ORC4: variants seen among roughly 807,000 people sequenced by gnomAD.
ORC4 encodes origin recognition complex subunit 4, also known as origin recognition complex, subunit 4 homolog.
ORC4 carries 55 observed loss-of-function variants against 63.9 expected under a neutral mutation model. The observed-to-expected ratio is 0.86, with a 90% CI of 0.69 to 1.08. The LOEUF (loss-of-function observed/expected upper bound fraction) is 1.08, where lower values mean the gene tolerates loss of function less well. Ranked by LOEUF, ORC4 falls within the 50% of genes least tolerant of loss-of-function variation. The pLI, the probability that ORC4 is intolerant of heterozygous loss-of-function variation, is 0.00. For synonymous variants in ORC4, 150 were observed against 168.5 expected, an observed-to-expected ratio of 0.89 and a Z score of 0.85; for missense variants, 511 against 504.4, an observed-to-expected ratio of 1.01 and a Z score of -0.13.
chr2:147,946,791 T>C (rs1688680680), intron 9 of ORC4, among the ~76,000 whole-genome samples: 2 of 152,016 alleles, frequency 1.3e-5, no homozygotes, highest in African/African-American at 4.8e-5. Context: ...AGGCTTTGAG[T>C]CCTTTATGTA....
At chr2:147,985,452 T>C (rs1691147715) in intron 1 of ORC4, among the ~76,000 whole-genome samples, 1 of 152,186 alleles carries the variant, frequency 6.6e-6, no homozygotes, top group South Asian at 2.1e-4. Flanking sequence ...TGCCTCGGCC[T>C]CCCAAGGTGC....
rs1328072637 is a variant in ORC4 at position 147,935,472 on chromosome 2, T to C, written c.*38A>G. 5.5e-6 allele frequency: 8 copies of C among 1,460,900 alleles called. No individual in the cohort carries two copies. The highest frequency in any genetic ancestry group is 4.8e-6 in the Non-Finnish European group (5 of 1,040,728). The allele number at this position is 1,460,900 out of a possible 1,614,324, so 90.5% of individuals were successfully genotyped here. ...AATAGTTTTCCGTTCTCTACAGAAG[T>C]ATGAATGAAATGCCAAAGTTGAAGT... is the stretch of plus-strand genomic sequence containing the variant. On this transcript the variant is annotated 3_prime_UTR_variant, in exon 14 of 14. Coordinates refer to ENST00000392857, the MANE Select transcript of ORC4 (RefSeq NM_181741.4).
intron 1 of ORC4, among the ~76,000 whole-genome samples, chr2:148,003,856 A>C (rs564074129): frequency 6.6e-6 from 1 of 152,308 alleles, no homozygotes; most frequent in South Asian, 2.1e-4. Context: ...ATATTTAGAA[A>C]ACCCTGTTGT....
chr2:147,932,928 C>T lies in ORC4; in HGVS notation c.*2582G>A, dbSNP rs2105240418. Reference sequence around the variant, plus strand: ...TTCTGCAAAACGTGATTCATTAGGACATTAACAGGTATTACGTTTTCAACA... The same window carrying T: ...TTCTGCAAAACGTGATTCATTAGGATATTAACAGGTATTACGTTTTCAACA... On this transcript the variant is annotated 3_prime_UTR_variant, in exon 14 of 14. Coordinates refer to ENST00000392857, the MANE Select transcript of ORC4 (RefSeq NM_181741.4). 1 of 152,200 alleles carries T rather than the reference C, an allele frequency of 6.6e-6. No homozygotes were observed. The highest frequency in any genetic ancestry group is 6.6e-5 in the Admixed American group (1 of 15,254). The allele number at this position is 152,200 out of a possible 1,614,324, so 9.4% of individuals were successfully genotyped here.
intron 1 of ORC4, among the ~76,000 whole-genome samples, chr2:148,006,038 C>A (rs1692608023): frequency 6.6e-6 from 1 of 152,130 alleles, no homozygotes; most frequent in Non-Finnish European, 1.5e-5. Context: ...GGTGAGTAAT[C>A]ACGGCACCTG....
chr2:148,004,939 C>T (rs1282891080), intron 1 of ORC4, among the ~76,000 whole-genome samples: 3 of 152,130 alleles, frequency 2.0e-5, no homozygotes, highest in South Asian at 2.1e-4. Flanking sequence ...AAAACAGGAA[C>T]GCTTTTACAC....
At chr2:147,964,759 CT>C (rs754114483) in intron 4 of ORC4, among the ~76,000 whole-genome samples, 5 of 150,822 alleles carry the variant, frequency 3.3e-5, no homozygotes, top group Non-Finnish European at 4.5e-5. Flanking sequence ...TAGCAGATTT[CT>C]TTTTTTTAAT....
rs1688005448 is a variant in ORC4, at chr2:147,935,619, A to G, written c.1202T>C (p.Leu401Pro). 6.2e-7 allele frequency: 1 copy of G among 1,613,428 alleles called. No homozygotes were observed. Among genetic ancestry groups the G allele is most frequent in the Admixed American group, 1.7e-5 (1 of 59,986 alleles). ...AGTATTATCCAAAAGCAGTTTCATCAGCTGGTACTCTCTCTGTGAATTTCC... is the reference window on the plus strand; with the variant it reads ...AGTATTATCCAAAAGCAGTTTCATCGGCTGGTACTCTCTCTGTGAATTTCC... ...TSGNSQREYQ[L>P]MKLLLDNTQI... The change falls in exon 14 of 14, where the codon CTG (leucine) becomes CCG (proline). Residue 401 changes from leucine (L) to proline (P), a missense_variant. Coordinates refer to ENST00000392857, the MANE Select transcript of ORC4 (RefSeq NM_181741.4).
Position 147,931,118 on chromosome 2 carries a change from G to C in ORC4, c.*4392C>G, listed in dbSNP as rs1687705106. ...GAGAATATGCGGTGTTTGGTTTTTT[G>C]TTCTTGTGATAGTTTACTGAGAATG... On this transcript the variant is annotated 3_prime_UTR_variant, in exon 14 of 14. Transcript: ENST00000392857. The C allele has an allele frequency of 6.9e-6, 1 of 145,462 alleles. No individual in the cohort carries two copies. Among genetic ancestry groups the C allele is most frequent in the Non-Finnish European group, 1.5e-5 (1 of 66,596 alleles). The allele number at this position is 145,462 out of a possible 1,614,324, so 9.0% of individuals were successfully genotyped here. A position where few individuals can be genotyped will look rare whatever the true frequency, so the allele number is the denominator to read the frequency against.
upstream of ORC4, chr2:148,021,496 C>CTGT (rs1289732061): frequency 2.5e-4 from 144 of 577,486 alleles, 1 homozygote; most frequent in South Asian, 1.8e-3. Flanking sequence ...GCTGCTGCTG[C>CTGT]TACTGCTGCT....
chr2:147,956,833 A>T lies in ORC4; in HGVS notation c.388-1438T>A, dbSNP rs76655828. 3.5e-4 allele frequency among the ~76,000 whole-genome samples: 53 copies of T among 152,056 alleles called. No individual in the cohort carries two copies. The East Asian group carries it at 0.01, about 29-fold the overall frequency. ...CATTTTTATTATTTCACATAAAACC[A>T]ATATGAATATGTAACATTTAAAAAT... On this transcript the variant is annotated intron_variant, in intron 6 of 13. Coordinates refer to ENST00000392857, the MANE Select transcript of ORC4 (RefSeq NM_181741.4).
chr2:147,938,311 T>A lies in ORC4; in HGVS notation c.1041A>T (p.Gln347His). ...DIYEEEPFNFQMVYNEFQKFV... is the reference protein window; with the variant it reads ...DIYEEEPFNFHMVYNEFQKFV... ...GTCTCATCTCACCATTATAGACCAT[T>A]TGAAAATTAAATGGCTCTTCCTCAT... Residue 347 changes from glutamine to histidine, a missense_variant, in exon 12 of 14, where the codon CAA (glutamine) becomes CAT (histidine). By Grantham distance (24) the Gln-to-His change is conservative (BLOSUM62 0). Coordinates refer to ENST00000392857, the MANE Select transcript of ORC4 (RefSeq NM_181741.4). 1.9e-6 allele frequency: 3 copies of A among 1,605,874 alleles called. No homozygotes were observed. The highest frequency in any genetic ancestry group is 1.7e-6 in the Non-Finnish European group (2 of 1,173,256).
At chr2:147,937,851 C>A (rs1375790118) in intron 13 of ORC4, 5 of 343,370 alleles carry the variant, frequency 1.5e-5, no homozygotes, top group Non-Finnish European at 2.7e-5. Flanking sequence ...ATTATAAAAG[C>A]CAATCCTTGG....
At chr2:147,947,890 A>G in intron 9 of ORC4, 161 bp downstream of exon 9, 1 of 582,608 alleles carries the variant, frequency 1.7e-6, no homozygotes, top group South Asian at 2.2e-5. Context: ...TCAACTGTCT[A>G]AGAAGAAAAT....
chr2:147,986,851 A>C (rs767914), intron 1 of ORC4, among the ~76,000 whole-genome samples: 1 of 151,832 alleles, frequency 6.6e-6, no homozygotes, highest in African/African-American at 2.4e-5. Flanking sequence ...AAAAACTAAA[A>C]CCAAAAAAAG....
intron 1 of ORC4, among the ~76,000 whole-genome samples, chr2:147,988,056 A>G (rs1445453950): frequency 6.6e-6 from 1 of 151,316 alleles, no homozygotes; most frequent in Admixed American, 6.6e-5. Flanking sequence ...CTGTCTCAAA[A>G]AAAAAAAAAA....
At chr2:147,973,232 C>A (rs1020906086) in intron 3 of ORC4, among the ~76,000 whole-genome samples, 4 of 152,082 alleles carry the variant, frequency 2.6e-5, no homozygotes, top group East Asian at 1.9e-4. Flanking sequence ...AGAAACAAAA[C>A]AAAATTGAAA....
chr2:147,944,061 A>G (rs893715034), intron 9 of ORC4, among the ~76,000 whole-genome samples: 1 of 152,130 alleles, frequency 6.6e-6, no homozygotes, highest in African/African-American at 2.4e-5. Flanking sequence ...AAAGGCAGAA[A>G]AACCTAACTG....
rs1489889065 is a variant in ORC4 at position 147,933,490 on chromosome 2, G to A, written c.*2020C>T. ...TTAATTTGCTTTATAACGGTTTCAT[G>A]TTTACCTCAATTGGTACTTAGTCTT... is the stretch of plus-strand genomic sequence containing the variant. On this transcript the variant is annotated 3_prime_UTR_variant, in exon 14 of 14. Coordinates refer to ENST00000392857, the MANE Select transcript of ORC4 (RefSeq NM_181741.4). 6.6e-6 allele frequency: 1 copy of A among 151,926 alleles called. No individual in the cohort carries two copies. Among genetic ancestry groups the A allele is most frequent in the Non-Finnish European group, 1.5e-5 (1 of 67,970 alleles). 9.4% of individuals were successfully genotyped at this position (151,926 alleles called of 1,614,324 possible).
Sources: gnomAD v4.1 joint callset for allele counts (sites outside exome capture counted in the v4.1 genomes callset) on GRCh38, gnomAD v4.1.1 for gene constraint, MANE v1.5 for transcripts, NCBI Gene and HGNC (gene_info 2026-07-23, HGNC 2026-07-21) for gene names.